Variants in SPPL3 observed in about 807,000 individuals in gnomAD.
SPPL3 encodes signal peptide peptidase-like 3.
A neutral mutation model predicts 42.4 loss-of-function variants in SPPL3; 5 were observed. The observed-to-expected ratio is 0.12, with a 90% CI of 0.06 to 0.25. SPPL3 has a LOEUF of 0.25. SPPL3 is among the 10% of genes least tolerant of loss of function. The probability of loss-of-function intolerance (pLI) is 1.00; values close to 1 mark genes in which losing one functional copy is unlikely to be tolerated. For synonymous variants in SPPL3, 195 were observed against 181.8 expected, an observed-to-expected ratio of 1.07 and a Z score of -0.58; for missense variants, 235 against 489.0, an observed-to-expected ratio of 0.48 and a Z score of 4.90.
chr12:120,784,688 T>A (rs551070388), intron 3 of SPPL3, 95 bp from the exon 4 acceptor site: 2 of 930,254 alleles, frequency 2.1e-6, no homozygotes, highest in South Asian at 3.6e-5. Context: ...ATGCAGACAG[T>A]TCTACGGATT....
intron 1 of SPPL3, among the ~76,000 whole-genome samples, chr12:120,821,309 T>C (rs1233445979): frequency 2.0e-5 from 3 of 152,234 alleles, no homozygotes; most frequent in South Asian, 2.1e-4. Context: ...CCTCACATCA[T>C]AGTTTCCAAA....
At chr12:120,813,244 T>TA in intron 1 of SPPL3, among the ~76,000 whole-genome samples, 1 of 150,172 alleles carries the variant, frequency 6.7e-6, no homozygotes. Flanking sequence ...TTAATCGTTG[T>TA]AAAAAATAAG....
chr12:120,831,555 T>C (rs957962940), intron 1 of SPPL3, among the ~76,000 whole-genome samples: 1 of 152,240 alleles, frequency 6.6e-6, no homozygotes, highest in Non-Finnish European at 1.5e-5. Flanking sequence ...AAGCAGAGGT[T>C]AGGATACCTT....
chr12:120,903,983 C>T lies in SPPL3; in HGVS notation c.-116G>A, dbSNP rs1874074896. 8.3e-6 allele frequency: 7 copies of T among 845,706 alleles called. No individual in the cohort carries two copies. The highest frequency in any genetic ancestry group is 1.1e-5 in the Non-Finnish European group (7 of 639,780). The allele number at this position is 845,706 out of a possible 1,614,324, so 52.4% of individuals were successfully genotyped here. ...TCCGGTGCTTGCTTGCTTGCTCGCT[C>T]GCTGGCTCGCTGGCTGCACGGCGGG... is the stretch of plus-strand genomic sequence containing the variant. On this transcript the variant is annotated 5_prime_UTR_variant, in exon 1 of 11. Transcript: ENST00000353487.
intron 1 of SPPL3, among the ~76,000 whole-genome samples, chr12:120,865,895 C>T (rs1020830894): frequency 1.3e-5 from 2 of 152,260 alleles, no homozygotes; most frequent in Non-Finnish European, 2.9e-5. Context: ...CACATTAACG[C>T]CTGAGTTCTA....
At chr12:120,877,361 A>G (rs1184433462) in intron 1 of SPPL3, among the ~76,000 whole-genome samples, 2 of 139,818 alleles carry the variant, frequency 1.4e-5, no homozygotes, top group Admixed American at 7.1e-5. Flanking sequence ...AACTCATTCT[A>G]TAAGGCCAGC....
intron 6 of SPPL3, among the ~76,000 whole-genome samples, chr12:120,775,579 G>C (rs563531439): frequency 6.6e-6 from 1 of 151,876 alleles, no homozygotes; most frequent in South Asian, 2.1e-4. Flanking sequence ...GATTCTGTTA[G>C]TCCCTGAACT....
chr12:120,845,268 G>C lies in SPPL3; in HGVS notation c.24-34382C>G, dbSNP rs555379782. 1.9e-5 allele frequency: 7 copies of C among 372,222 alleles called. No homozygotes were observed. In the East Asian group the frequency reaches 5.5e-4, roughly 29 times the overall value. The allele number at this position is 372,222 out of a possible 1,614,324, so 23.1% of individuals were successfully genotyped here. A position where few individuals can be genotyped will look rare whatever the true frequency, so the allele number is the denominator to read the frequency against. On this transcript the variant is annotated intron_variant, in intron 1 of 10. Coordinates refer to ENST00000353487, the MANE Select transcript of SPPL3 (RefSeq NM_139015.5). Reference sequence around the variant, plus strand: ...CTGCTGCATTCACGGCATTGGAGAGGTCCTGCTTGTTGGCAAACCCCAGGA... The same window carrying C: ...CTGCTGCATTCACGGCATTGGAGAGCTCCTGCTTGTTGGCAAACCCCAGGA...
chr12:120,824,800 C>T (rs570277505), intron 1 of SPPL3, among the ~76,000 whole-genome samples: 1 of 152,306 alleles, frequency 6.6e-6, no homozygotes, highest in East Asian at 1.9e-4. Flanking sequence ...GGCCTCCCAA[C>T]TTGCTGGGAT....
chr12:120,868,731 C>T (rs748708495), intron 1 of SPPL3, among the ~76,000 whole-genome samples: 5 of 152,172 alleles, frequency 3.3e-5, no homozygotes, highest in Non-Finnish European at 7.3e-5. Context: ...CCACCCACCT[C>T]GGCCTCCCAA....
chr12:120,856,279 T>C (rs1378835587), intron 1 of SPPL3, among the ~76,000 whole-genome samples: 3 of 150,728 alleles, frequency 2.0e-5, no homozygotes, highest in Non-Finnish European at 4.4e-5. Flanking sequence ...TCCCTTAATC[T>C]GAAAGAAAAA....
rs1874067877 is a variant in SPPL3, at chr12:120,903,826, C to A, written c.23+19G>T. 6.8e-7 allele frequency: 1 copy of A among 1,473,296 alleles called. No individual in the cohort carries two copies. Among genetic ancestry groups the A allele is most frequent in the Non-Finnish European group, 8.9e-7 (1 of 1,119,054 alleles). 91.3% of individuals were successfully genotyped at this position (1,473,296 alleles called of 1,614,324 possible). Reference sequence around the variant, plus strand: ...CCCCACCCTTGCCGCCTCCCGGCCTCCCGGAGCCCCGCACTCACCACGAGT... The same window carrying A: ...CCCCACCCTTGCCGCCTCCCGGCCTACCGGAGCCCCGCACTCACCACGAGT... On this transcript the variant is annotated intron_variant, in intron 1 of 10. Coordinates refer to ENST00000353487, the MANE Select transcript of SPPL3 (RefSeq NM_139015.5).
At chr12:120,830,930 T>G (rs1477778787) in intron 1 of SPPL3, among the ~76,000 whole-genome samples, 2 of 152,122 alleles carry the variant, frequency 1.3e-5, no homozygotes, top group Non-Finnish European at 2.9e-5. Context: ...GCTGCCTATT[T>G]CTGTGTGTGA....
intron 1 of SPPL3, among the ~76,000 whole-genome samples, chr12:120,864,349 A>C (rs1872700131): frequency 6.6e-6 from 1 of 152,154 alleles, no homozygotes; most frequent in South Asian, 2.1e-4. Flanking sequence ...AGCCTGGCCA[A>C]CATGGTGAAA....
intron 2 of SPPL3, among the ~76,000 whole-genome samples, chr12:120,795,167 A>C (rs568913646): frequency 1.2e-4 from 19 of 152,184 alleles, no homozygotes; most frequent in South Asian, 4.1e-4. Flanking sequence ...GGTCTCAAAC[A>C]TCTGGGCTTG....
intron 1 of SPPL3, among the ~76,000 whole-genome samples, chr12:120,836,038 A>G (rs952794096): frequency 6.6e-6 from 1 of 152,176 alleles, no homozygotes; most frequent in Admixed American, 6.5e-5. Flanking sequence ...AATTGAAGTA[A>G]GGTAGCATTT....
At chr12:120,814,791 A>G (rs1870809959) in intron 1 of SPPL3, among the ~76,000 whole-genome samples, 1 of 152,188 alleles carries the variant, frequency 6.6e-6, no homozygotes, top group Non-Finnish European at 1.5e-5. Context: ...ATACAATATA[A>G]GAACATTATT....
chr12:120,870,370 G>A (rs1043768861), intron 1 of SPPL3, among the ~76,000 whole-genome samples: 9 of 152,102 alleles, frequency 5.9e-5, no homozygotes, highest in African/African-American at 2.2e-4. Flanking sequence ...ACTTGAACCC[G>A]GGAGGCAGAG....
intron 1 of SPPL3, among the ~76,000 whole-genome samples, chr12:120,890,138 T>C (rs940181726): frequency 6.6e-5 from 10 of 151,934 alleles, no homozygotes; most frequent in Middle Eastern, 3.4e-3. Flanking sequence ...ATCCCAACTA[T>C]TGGGGAAAGC....
Sources: allele counts gnomAD v4.1 joint callset (sites outside exome capture counted in the v4.1 genomes callset), GRCh38; gene constraint gnomAD v4.1.1; transcripts MANE v1.5; gene names NCBI Gene and HGNC (gene_info 2026-07-23, HGNC 2026-07-21).